EIF3E: variants seen among roughly 807,000 people sequenced by gnomAD.
EIF3E encodes the protein eIF-3 p48.
EIF3E carries 25 observed loss-of-function variants against 59.3 expected under a neutral mutation model. That is an observed-to-expected ratio of 0.42 (90% CI 0.31 to 0.59). The LOEUF (loss-of-function observed/expected upper bound fraction) is 0.59, where lower values mean the gene tolerates loss of function less well. Ranked by LOEUF, EIF3E falls within the 20% of genes least tolerant of loss-of-function variation. EIF3E has a pLI of 0.15. For missense variants in EIF3E, 317 were observed against 534.3 expected (o/e 0.59, Z 4.01); for synonymous variants, 176 against 170.2 (o/e 1.03, Z -0.26).
At chr8:108,216,207 C>T (rs1183151600) in intron 9 of EIF3E, among the ~76,000 whole-genome samples, 2 of 152,166 alleles carry the variant, frequency 1.3e-5, no homozygotes, top group Non-Finnish European at 2.9e-5. Context: ...CACTCTAGCA[C>T]ATTCCCATTT....
Position 108,201,425 on chromosome 8 carries a change from T to C in EIF3E, c.*460A>G, listed in dbSNP as rs1438103076. ...AGTGGTTCCTAGGGTTAGAGTTGGT[T>C]GGGAGTAGGTATGGCTACAAAAAGG... On this transcript the variant is annotated 3_prime_UTR_variant, in exon 13 of 13. Coordinates refer to ENST00000220849, the MANE Select transcript of EIF3E (RefSeq NM_001568.3). 2.0e-5 allele frequency: 3 copies of C among 151,958 alleles called. No homozygotes were observed. Among genetic ancestry groups the C allele is most frequent in the African/African-American group, 7.3e-5 (3 of 41,318 alleles). 9.4% of individuals were successfully genotyped at this position (151,958 alleles called of 1,614,324 possible).
chr8:108,241,267 GAC>G (rs1815829418), intron 2 of EIF3E, among the ~76,000 whole-genome samples: 1 of 152,082 alleles, frequency 6.6e-6, no homozygotes, highest in Admixed American at 6.5e-5. Context: ...TTGAAGAAAT[GAC>G]ACAGAATTAT....
rs575625924 is a variant in EIF3E, at chr8:108,229,061, C to A, written c.597+9G>T. 1.1e-5 allele frequency: 17 copies of A among 1,586,678 alleles called. No homozygotes were observed. The highest frequency in any genetic ancestry group is 1.4e-5 in the Non-Finnish European group (16 of 1,165,674). On this transcript the variant is annotated intron_variant, in intron 6 of 12. Coordinates refer to ENST00000220849, the MANE Select transcript of EIF3E (RefSeq NM_001568.3). Reference sequence around the variant, plus strand: ...TTTCAGAGAATAACTGTGAAAAAGTCGAACTCACATTATTATCTATGGTCT... The same window carrying A: ...TTTCAGAGAATAACTGTGAAAAAGTAGAACTCACATTATTATCTATGGTCT...
chr8:108,220,014 G>A (rs555323181), intron 7 of EIF3E, among the ~76,000 whole-genome samples: 11 of 152,082 alleles, frequency 7.2e-5, no homozygotes, highest in African/African-American at 2.4e-4. Context: ...GTGGAGGCAG[G>A]CACCTGTAAT....
intron 3 of EIF3E, among the ~76,000 whole-genome samples, chr8:108,239,681 C>T (rs977059028): frequency 1.3e-5 from 2 of 151,982 alleles, no homozygotes; most frequent in Non-Finnish European, 2.9e-5. Context: ...TGCCAAATGT[C>T]CCCAGGAAGG....
At chr8:108,248,051 C>T (rs1247381243) in intron 1 of EIF3E, among the ~76,000 whole-genome samples, 1 of 151,770 alleles carries the variant, frequency 6.6e-6, no homozygotes, top group African/African-American at 2.4e-5. Flanking sequence ...GGAGCGCCGT[C>T]CCCATCTGAC....
chr8:108,210,832 T>TGA (rs1435432607), intron 10 of EIF3E, among the ~76,000 whole-genome samples: 3 of 150,890 alleles, frequency 2.0e-5, no homozygotes, highest in Non-Finnish European at 4.4e-5. Context: ...CACCTATGAG[T>TGA]GAGAACATGC....
At chr8:108,214,969 C>T (rs1052435460) in intron 9 of EIF3E, among the ~76,000 whole-genome samples, 1 of 152,196 alleles carries the variant, frequency 6.6e-6, no homozygotes, top group Non-Finnish European at 1.5e-5. Context: ...AAGTTTGGTA[C>T]TATCCATTAT....
chr8:108,203,149 A>T (rs763027718), intron 11 of EIF3E, 32 bp from the exon 12 acceptor site: 1 of 1,600,622 alleles, frequency 6.2e-7, no homozygotes, highest in South Asian at 1.1e-5. Flanking sequence ...TTGATCCTAT[A>T]ATGTTAATGA....
intron 9 of EIF3E, among the ~76,000 whole-genome samples, chr8:108,215,717 T>G (rs191720004): frequency 1.4e-4 from 22 of 152,324 alleles, no homozygotes; most frequent in African/African-American, 5.1e-4. Flanking sequence ...GCCCATTTTG[T>G]GCCAAAATTT....
At chr8:108,248,136 A>C (rs1469195366) in intron 1 of EIF3E, among the ~76,000 whole-genome samples, 1 of 152,208 alleles carries the variant, frequency 6.6e-6, no homozygotes, top group Non-Finnish European at 1.5e-5. Flanking sequence ...CATGGAAATT[A>C]AAGCGCTAGA....
At chr8:108,202,895 C>T in intron 12 of EIF3E, 88 bp downstream of exon 12, 1 of 1,393,996 alleles carries the variant, frequency 7.2e-7, no homozygotes, top group Non-Finnish European at 9.5e-7. Flanking sequence ...ACAAAATCAG[C>T]TACAACTCAT....
chr8:108,215,506 T>C (rs1815285670), intron 9 of EIF3E, among the ~76,000 whole-genome samples: 1 of 151,976 alleles, frequency 6.6e-6, no homozygotes, highest in Admixed American at 6.6e-5. Flanking sequence ...TGGTCCCAGC[T>C]ACTTGGGAGG....
chr8:108,216,523 T>C lies in EIF3E; in HGVS notation c.850-10A>G. The stretch of plus-strand genomic sequence containing the variant: ...TATATGTGTAAGACTCCTGTAAAAA[T>C]AAGTCAACGGTCAAGGTAAGTCTGA... On this transcript the variant is annotated splice_polypyrimidine_tract_variant and intron_variant, in intron 8 of 12. Transcript: ENST00000220849. 2 of 1,565,332 alleles carry C rather than the reference T, an allele frequency of 1.3e-6. No homozygotes were observed. The highest frequency in any genetic ancestry group is 1.8e-6 in the Non-Finnish European group (2 of 1,141,848).
intron 1 of EIF3E, chr8:108,242,172 G>C: frequency 1.5e-6 from 2 of 1,354,322 alleles, no homozygotes; most frequent in Non-Finnish European, 1.9e-6. Context: ...TGATTTACAT[G>C]ACCTTATTTT....
rs939164653 is a variant in EIF3E at position 108,201,518 on chromosome 8, G to A, written c.*367C>T. ...CAGTGATGGTTACACAAATCTACAC[G>A]TGATAAAATGGTAGGGAGCTATTTG... On this transcript the variant is annotated 3_prime_UTR_variant, in exon 13 of 13. Transcript: ENST00000220849. 1.3e-5 allele frequency: 2 copies of A among 155,470 alleles called. No individual in the cohort carries two copies. The highest frequency in any genetic ancestry group is 1.9e-4 in the East Asian group (1 of 5,392). The allele number at this position is 155,470 out of a possible 1,614,324, so 9.6% of individuals were successfully genotyped here. A position where few individuals can be genotyped will look rare whatever the true frequency, so the allele number is the denominator to read the frequency against.
At chr8:108,219,526 C>G (rs955414137) in intron 7 of EIF3E, among the ~76,000 whole-genome samples, 3 of 151,654 alleles carry the variant, frequency 2.0e-5, no homozygotes, top group Non-Finnish European at 4.4e-5. Flanking sequence ...AAAAGTATTG[C>G]AAATGTTTTT....
chr8:108,215,053 G>A (rs56143138), intron 9 of EIF3E, among the ~76,000 whole-genome samples: 5,010 of 152,134 alleles, frequency 0.033, 264 homozygotes, highest in African/African-American at 0.11. Flanking sequence ...CTACAAGCTC[G>A]GAGTATTTCT....
At chr8:108,227,909 A>ATGC (rs1185466570) in intron 7 of EIF3E, 1 of 164,684 alleles carries the variant, frequency 6.1e-6, no homozygotes, top group African/African-American at 2.4e-5. Flanking sequence ...TTCAAGTAGT[A>ATGC]TGCCCTAGAG....
Sources: gnomAD v4.1 joint callset for allele counts (sites outside exome capture counted in the v4.1 genomes callset) on GRCh38, gnomAD v4.1.1 for gene constraint, MANE v1.5 for transcripts, NCBI Gene and HGNC (gene_info 2026-07-23, HGNC 2026-07-21) for gene names.